Variants in CARS2 observed in about 807,000 individuals in gnomAD.
CARS2 encodes cysteinyl-tRNA synthetase 2, mitochondrial.
Under a neutral mutation model 68.8 loss-of-function variants are expected in CARS2, and 52 were observed. The ratio of observed to expected loss-of-function variants is 0.76; its 90% CI spans 0.61 to 0.95. The LOEUF (loss-of-function observed/expected upper bound fraction) is 0.95. Among genes scored for constraint, CARS2 ranks in the 40% least tolerant of loss-of-function variants. The pLI, the probability that CARS2 is intolerant of heterozygous loss-of-function variation, is 0.00. For synonymous variants in CARS2, 314 were observed against 303.6 expected (o/e 1.03, Z -0.36); for missense variants, 780 against 754.2 (o/e 1.03, Z -0.40).
At chr13:110,681,976 C>T (rs906329891) in intron 6 of CARS2, among the ~76,000 whole-genome samples, 4 of 152,222 alleles carry the variant, frequency 2.6e-5, no homozygotes, top group East Asian at 3.9e-4. Context: ...AAGTATCCTG[C>T]GTGATGCTGG....
At chr13:110,642,765 G>C (rs1195138115) in intron 13 of CARS2, 2 of 734,776 alleles carry the variant, frequency 2.7e-6, no homozygotes, top group Non-Finnish European at 5.0e-6. Context: ...TCCTCACTCG[G>C]GAGTTGGAAG....
At chr13:110,649,686 GACA>G (rs1284210985) in intron 10 of CARS2, among the ~76,000 whole-genome samples, 8 of 152,210 alleles carry the variant, frequency 5.3e-5, no homozygotes, top group African/African-American at 1.9e-4. Context: ...GAGGTGGCAT[GACA>G]ACAGCAGCGA....
At chr13:110,644,338 A>G in intron 13 of CARS2, 47 bp downstream of exon 13, 2 of 1,557,960 alleles carry the variant, frequency 1.3e-6, no homozygotes, top group Admixed American at 1.7e-5. Flanking sequence ...TATTGTCCCA[A>G]CATGGAGAAA....
chr13:110,713,327 G>C, exon 1 of CARS2: 1 of 1,138,694 alleles, frequency 8.8e-7, no homozygotes, highest in Non-Finnish European at 1.1e-6. Context: ...TTTCTGTCCC[G>C]CGGCCCGTTA....
intron 1 of CARS2, chr13:110,713,061 G>A: frequency 6.9e-7 from 1 of 1,459,486 alleles, no homozygotes; most frequent in Non-Finnish European, 9.1e-7. Flanking sequence ...TTCCGCCCGT[G>A]CCCGGCCCTC....
chr13:110,651,413 G>A (rs1566654574), intron 9 of CARS2, among the ~76,000 whole-genome samples: 1 of 152,330 alleles, frequency 6.6e-6, no homozygotes, highest in South Asian at 2.1e-4. Flanking sequence ...CTTTCTGCAC[G>A]ACAGGGACGT....
intron 7 of CARS2, among the ~76,000 whole-genome samples, chr13:110,672,792 A>G (rs904813063): frequency 2.0e-4 from 31 of 152,200 alleles, no homozygotes; most frequent in Admixed American, 2.0e-4. Flanking sequence ...TTTTTTGAAA[A>G]GATCAACAAA....
intron 10 of CARS2, chr13:110,648,210 T>C (rs931335638): frequency 6.6e-6 from 1 of 152,138 alleles, no homozygotes; most frequent in African/African-American, 2.4e-5. Context: ...AATAGCTTGA[T>C]AGAAAAGAGA....
rs72485652 is a variant in CARS2, at chr13:110,665,813, C to T, written c.919+1527G>A. On this transcript the variant is annotated intron_variant, in intron 8 of 14. Transcript: ENST00000257347. This position sits in a 1 kb window ranked among gnomAD's most constrained non-coding sequence, Gnocchi z 4.3. ...GAAGAAACCCAAGTGAACCCTGCTG[C>T]GGACCAGAAAACCGGAGCACTTCTG... The T allele has an allele frequency of 0.07, 68,551 of 985,230 alleles. 2,664 individuals are homozygous for T. Among genetic ancestry groups the T allele is most frequent in the East Asian group, 0.16 (1,434 of 8,804 alleles). 61.0% of individuals were successfully genotyped at this position (985,230 alleles called of 1,614,324 possible).
chr13:110,668,541 C>A lies in CARS2; in HGVS notation c.786-1068G>T, dbSNP rs1195811211. On this transcript the variant is annotated intron_variant, in intron 7 of 14. Coordinates refer to ENST00000257347, the MANE Select transcript of CARS2 (RefSeq NM_024537.4). The surrounding 1 kb of genome is among the most constrained non-coding windows in gnomAD (Gnocchi z 4.1). ...TGGGTGACAGAGCGAGACTCCGTCT[C>A]AAAAAAAAAAAAAGATTTTTACATC... is the stretch of plus-strand genomic sequence containing the variant. Among the ~76,000 whole-genome samples, 58 of 143,884 alleles carry A rather than the reference C, an allele frequency of 4.0e-4. No individual in the cohort carries two copies. Among genetic ancestry groups the A allele is most frequent in the South Asian group, 4.4e-4 (2 of 4,540 alleles). The allele number at this position is 143,884 out of a possible 152,430, so 94.4% of individuals were successfully genotyped here.
At chr13:110,702,918 C>T (rs767843217) in intron 2 of CARS2, among the ~76,000 whole-genome samples, 5 of 152,166 alleles carry the variant, frequency 3.3e-5, no homozygotes, top group African/African-American at 9.7e-5. Flanking sequence ...TGAGTGTGCT[C>T]ATCTGGGTGA....
intron 9 of CARS2, chr13:110,663,125 A>C: frequency 2.0e-6 from 1 of 510,070 alleles, no homozygotes; most frequent in Non-Finnish European, 3.8e-6. Context: ...GAGGGCGGGA[A>C]GGAAGTCAGC....
At chr13:110,700,455 G>C (rs1003495840) in intron 3 of CARS2, among the ~76,000 whole-genome samples, 3 of 152,218 alleles carry the variant, frequency 2.0e-5, no homozygotes, top group Non-Finnish European at 4.4e-5. Context: ...GCAGAGAGGG[G>C]AGGCGGCCTG....
At chr13:110,685,992 G>GAA (rs10668818) in intron 5 of CARS2, among the ~76,000 whole-genome samples, 26,213 of 128,592 alleles carry the variant, frequency 0.2, 2,995 homozygotes, top group Admixed American at 0.32. Context: ...CAGAAAAAAT[G>GAA]AAAAAAAAAA....
intron 3 of CARS2, among the ~76,000 whole-genome samples, chr13:110,690,605 C>G (rs571521029): frequency 1.2e-4 from 19 of 152,220 alleles, no homozygotes; most frequent in Non-Finnish European, 2.5e-4. Flanking sequence ...GGTCCTGTCC[C>G]GATGCACATC....
At chr13:110,659,834 G>A (rs960471487) in intron 9 of CARS2, among the ~76,000 whole-genome samples, 1 of 152,202 alleles carries the variant, frequency 6.6e-6, no homozygotes, top group Admixed American at 6.5e-5. Flanking sequence ...TCAAGGTAGT[G>A]GTTGATGAAG....
chr13:110,674,617 G>A (rs1028074353), intron 7 of CARS2, among the ~76,000 whole-genome samples: 3 of 152,020 alleles, frequency 2.0e-5, no homozygotes, highest in Non-Finnish European at 2.9e-5. Context: ...AGAAGAAAAC[G>A]CAGGCAATAC....
chr13:110,644,774 G>T, intron 12 of CARS2: 1 of 337,890 alleles, frequency 3.0e-6, no homozygotes, highest in Non-Finnish European at 5.6e-6. Flanking sequence ...GGCAGGTGGC[G>T]CATGGTAGGT....
rs745328850 is a variant in CARS2, at chr13:110,642,709, G to C, written c.1417-188C>G. 10 of 763,108 alleles carry C rather than the reference G, an allele frequency of 1.3e-5. No homozygotes were observed. The African/African-American group carries it at 1.7e-4, about 13-fold the overall frequency. 47.3% of individuals were successfully genotyped at this position (763,108 alleles called of 1,614,324 possible). A position where few individuals can be genotyped will look rare whatever the true frequency, so the allele number is the denominator to read the frequency against. On this transcript the variant is annotated intron_variant, in intron 13 of 14. Coordinates refer to ENST00000257347, the MANE Select transcript of CARS2 (RefSeq NM_024537.4). ...CCGCGAGCGCTGGGCTCTGGGCAAG[G>C]CTCCACTCAACTCTGAGCATCTGTC...
Sources: gnomAD v4.1 joint callset for allele counts (sites outside exome capture counted in the v4.1 genomes callset) on GRCh38, gnomAD v4.1.1 for gene constraint, Gnocchi (gnomAD v3.1) non-coding constraint, MANE v1.5 for transcripts, NCBI Gene and HGNC (gene_info 2026-07-23, HGNC 2026-07-21) for gene names.